DOCK9: variants seen among roughly 807,000 people sequenced by gnomAD.
DOCK9 encodes the protein dedicator of cytokinesis protein 9.
In DOCK9, 89 loss-of-function variants were observed where a neutral mutation model predicts 263.3. That is an observed-to-expected ratio of 0.34 (90% CI 0.28 to 0.40). DOCK9 has a LOEUF of 0.40. DOCK9 is among the 10% of genes least tolerant of loss of function. DOCK9 has a pLI of 1.00. For synonymous variants in DOCK9, 976 were observed against 973.1 expected (o/e 1.00, Z -0.06); for missense variants, 2,140 against 2,603.4 (o/e 0.82, Z 3.87).
upstream of DOCK9, among the ~76,000 whole-genome samples, chr13:99,087,261 C>T (rs1302557758): frequency 6.6e-6 from 1 of 152,202 alleles, no homozygotes; most frequent in African/African-American, 2.4e-5. Context: ...GGGACGATGA[C>T]GGTTGGGCCG....
At chr13:98,882,303 T>G (rs1480003314) in intron 23 of DOCK9, among the ~76,000 whole-genome samples, 1 of 150,880 alleles carries the variant, frequency 6.6e-6, no homozygotes, top group Non-Finnish European at 1.5e-5. Flanking sequence ...GGGAGAGGAG[T>G]CAGAGGGAGC....
intron 32 of DOCK9, 129 bp downstream of exon 32, chr13:98,862,890 T>G: frequency 1.4e-6 from 1 of 739,532 alleles, no homozygotes; most frequent in Non-Finnish European, 2.2e-6. Context: ...CACCTTGATT[T>G]TGGACTTCTG....
At chr13:99,046,014 T>C (rs1360302991) in intron 1 of DOCK9, among the ~76,000 whole-genome samples, 28 of 149,172 alleles carry the variant, frequency 1.9e-4, no homozygotes, top group Admixed American at 1.9e-3. Context: ...GGCAGGAGAA[T>C]GGCGTGAACC....
chr13:98,875,489 C>A (rs1473225468), intron 27 of DOCK9, among the ~76,000 whole-genome samples: 2 of 152,214 alleles, frequency 1.3e-5, no homozygotes, highest in Non-Finnish European at 2.9e-5. Context: ...TCATCCTACC[C>A]TATGCTAGGT....
rs1428255644 is a variant in DOCK9 at position 98,977,853 on chromosome 13, A to G, written c.57T>C (p.Ile19=). 7.5e-6 allele frequency: 12 copies of G among 1,606,826 alleles called. No homozygotes were observed. The highest frequency in any genetic ancestry group is 1.0e-5 in the Non-Finnish European group (12 of 1,176,402). The change falls in exon 1 of 53, where the codon ATT becomes ATC. Residue 19 remains isoleucine (I), a synonymous_variant. Coordinates refer to ENST00000682017, the MANE Select transcript of DOCK9 (RefSeq NM_001366683.2). ...SSRSVKKELV[I]ESPLQYKDAA... Reference sequence around the variant, plus strand: ...CATCCTTGTATTGCAGGGGGGACTCAATCACCAGTTCCTTTTTGACACTTC... The same window carrying G: ...CATCCTTGTATTGCAGGGGGGACTCGATCACCAGTTCCTTTTTGACACTTC...
intron 2 of DOCK9, chr13:98,949,976 C>A: frequency 2.0e-6 from 1 of 492,460 alleles, no homozygotes; most frequent in South Asian, 1.6e-5. Flanking sequence ...CATTCTTGAC[C>A]TTGGCTTGTT....
chr13:98,850,578 A>G (rs2093537021), intron 35 of DOCK9, among the ~76,000 whole-genome samples: 1 of 152,138 alleles, frequency 6.6e-6, no homozygotes, highest in Admixed American at 6.5e-5. Flanking sequence ...GATCTATCTC[A>G]AGTTTTCCCA....
intron 35 of DOCK9, among the ~76,000 whole-genome samples, chr13:98,852,249 A>T (rs1175463107): frequency 6.6e-6 from 1 of 152,178 alleles, no homozygotes; most frequent in African/African-American, 2.4e-5. Context: ...ATATGAGACT[A>T]AGTGCCCTGT....
chr13:99,014,683 A>G (rs1293292473), intron 1 of DOCK9, among the ~76,000 whole-genome samples: 2 of 152,164 alleles, frequency 1.3e-5, no homozygotes, highest in Admixed American at 1.3e-4. Context: ...ATTTGTCCCC[A>G]CTCATTTTGA....
intron 2 of DOCK9, among the ~76,000 whole-genome samples, chr13:98,938,184 G>T (rs145866267): frequency 6.6e-6 from 1 of 152,346 alleles, no homozygotes; most frequent in East Asian, 1.9e-4. Context: ...GAGATTCTGA[G>T]AAGCTCATGT....
upstream of DOCK9, among the ~76,000 whole-genome samples, chr13:98,978,582 A>T (rs1391038510): frequency 3.9e-5 from 6 of 152,246 alleles, no homozygotes; most frequent in Non-Finnish European, 8.8e-5. Flanking sequence ...AGATGAGGTC[A>T]TCAAAACATT....
intron 1 of DOCK9, chr13:99,015,851 G>A (rs867471065): frequency 1.1e-5 from 12 of 1,082,786 alleles, no homozygotes; most frequent in Middle Eastern, 3.5e-4. Flanking sequence ...GACACACCTC[G>A]GATGCACCAA....
chr13:98,867,376 A>G (rs2094058529), intron 30 of DOCK9, 49 bp downstream of exon 30: 4 of 1,042,014 alleles, frequency 3.8e-6, no homozygotes, highest in Non-Finnish European at 5.8e-6. Flanking sequence ...CTTATTGAAA[A>G]TAAATGTCTC....
intron 1 of DOCK9, among the ~76,000 whole-genome samples, chr13:99,073,134 C>A (rs972359948): frequency 6.6e-6 from 1 of 152,080 alleles, no homozygotes; most frequent in African/African-American, 2.4e-5. Flanking sequence ...ACCATGTGGC[C>A]CATCACTCAA....
chr13:98,918,833 A>C (rs1324398601), intron 7 of DOCK9, among the ~76,000 whole-genome samples: 6 of 152,244 alleles, frequency 3.9e-5, no homozygotes, highest in Non-Finnish European at 1.5e-5. Flanking sequence ...TCCCAGAAAC[A>C]GGAAACCCAA....
At chr13:98,887,641 A>T (rs2149492) in intron 18 of DOCK9, among the ~76,000 whole-genome samples, 21,087 of 140,784 alleles carry the variant, frequency 0.15, 2,045 homozygotes, top group South Asian at 0.31. Flanking sequence ...AAAAAAAAAA[A>T]GGATAATAAT....
At chr13:98,896,363 T>C (rs2139266687) in intron 15 of DOCK9, among the ~76,000 whole-genome samples, 1 of 152,238 alleles carries the variant, frequency 6.6e-6, no homozygotes. Context: ...CCTGTTTCTA[T>C]GACTCATATC....
At chr13:98,967,493 T>C (rs999239631) in intron 1 of DOCK9, among the ~76,000 whole-genome samples, 2 of 152,238 alleles carry the variant, frequency 1.3e-5, no homozygotes, top group Non-Finnish European at 2.9e-5. Context: ...GATGGGTTGA[T>C]CCTTGGGTCT....
intron 1 of DOCK9, among the ~76,000 whole-genome samples, chr13:99,009,745 C>A (rs1884134475): frequency 6.6e-6 from 1 of 152,018 alleles, no homozygotes; most frequent in Admixed American, 6.6e-5. Context: ...ATCTTCAACT[C>A]TGCTGTCTTT....
Sources: allele counts gnomAD v4.1 joint callset (sites outside exome capture counted in the v4.1 genomes callset), GRCh38; gene constraint gnomAD v4.1.1; transcripts MANE v1.5; gene names NCBI Gene and HGNC (gene_info 2026-07-23, HGNC 2026-07-21).